BNIP2: variants seen among roughly 807,000 people sequenced by gnomAD.
BNIP2 encodes the protein BCL2/adenovirus E1B 19 kDa protein-interacting protein 2.
In BNIP2, 36 loss-of-function variants were observed where a neutral mutation model predicts 43.4. The ratio of observed to expected loss-of-function variants is 0.83; its 90% CI spans 0.64 to 1.10. BNIP2 has a LOEUF of 1.10. Ranked by LOEUF, BNIP2 falls within the 50% of genes least tolerant of loss-of-function variation. The pLI, the probability that BNIP2 is intolerant of heterozygous loss-of-function variation, is 0.00. For synonymous variants in BNIP2, 146 were observed against 121.0 expected (o/e 1.21, Z -1.35); for missense variants, 417 against 374.1 (o/e 1.11, Z -0.95).
At chr15:59,678,354 AATATAATT>A (rs1452628873) in intron 4 of BNIP2, 7 of 1,167,820 alleles carry the variant, frequency 6.0e-6, no homozygotes, top group African/African-American at 1.6e-5. Flanking sequence ...AAGTTCAGAA[AATATAATT>A]TGTAGAGTCA....
chr15:59,666,278 T>C (rs546766193), intron 9 of BNIP2, among the ~76,000 whole-genome samples: 3 of 152,228 alleles, frequency 2.0e-5, no homozygotes, highest in African/African-American at 7.2e-5. Flanking sequence ...AAACCTGCCA[T>C]AGGGACTCAT....
intron 1 of BNIP2, among the ~76,000 whole-genome samples, chr15:59,684,542 A>G (rs1893894733): frequency 6.6e-6 from 1 of 152,206 alleles, no homozygotes. Flanking sequence ...GAAAATACTT[A>G]CTACTCTAGA....
At chr15:59,672,499 T>C in intron 6 of BNIP2, 138 bp downstream of exon 6, 1 of 593,776 alleles carries the variant, frequency 1.7e-6, no homozygotes, top group Non-Finnish European at 2.9e-6. Flanking sequence ...CTCCAACTCC[T>C]GGACTCAAGT....
intron 5 of BNIP2, among the ~76,000 whole-genome samples, chr15:59,676,566 A>C (rs2142005387): frequency 6.6e-6 from 1 of 152,296 alleles, no homozygotes; most frequent in African/African-American, 2.4e-5. Context: ...TGGTACTTTT[A>C]TTCTTTTACT....
intron 7 of BNIP2, among the ~76,000 whole-genome samples, chr15:59,670,774 T>C (rs1892849446): frequency 6.6e-6 from 1 of 152,022 alleles, no homozygotes. Context: ...TAAATGGTGT[T>C]TTAAAATAGC....
intron 9 of BNIP2, chr15:59,668,144 T>C (rs1482340988): frequency 2.4e-6 from 3 of 1,266,956 alleles, no homozygotes; most frequent in Non-Finnish European, 3.1e-6. Context: ...CATACCTTTG[T>C]AGGGAAGAGT....
rs569072181 is a variant in BNIP2, at chr15:59,665,843, CAT to C, written c.894-1725_894-1724del. Reference sequence around the variant, plus strand: ...GTATTAGATAAAGAAAAATATTTTTCATATGTTTTTATTCTCATCACCCATTA... The same window carrying C: ...GTATTAGATAAAGAAAAATATTTTTCATGTTTTTATTCTCATCACCCATTA... On this transcript the variant is annotated intron_variant, in intron 9 of 9. Transcript: ENST00000607373. Among the ~76,000 whole-genome samples the C allele has an allele frequency of 2.2e-4, 33 of 152,176 alleles. 1 individual carries two copies. In the South Asian group the frequency reaches 6.4e-3, roughly 30 times the overall value.
chr15:59,686,355 G>C (rs1329139286), intron 1 of BNIP2, among the ~76,000 whole-genome samples: 2 of 152,258 alleles, frequency 1.3e-5, no homozygotes, highest in African/African-American at 2.4e-5. Flanking sequence ...TTCAAGCCTA[G>C]CTTGGGCAAC....
chr15:59,678,953 A>G, intron 4 of BNIP2: 8 of 932,866 alleles, frequency 8.6e-6, no homozygotes, highest in Non-Finnish European at 1.1e-5. Context: ...AGGGAAGAAA[A>G]AAGAAACCAA....
chr15:59,675,502 C>T (rs1432353050), intron 5 of BNIP2, among the ~76,000 whole-genome samples: 4 of 151,048 alleles, frequency 2.6e-5, no homozygotes, highest in Non-Finnish European at 4.4e-5. Flanking sequence ...CCCAGCTACT[C>T]GGGAGACTGA....
chr15:59,668,039 G>A, intron 9 of BNIP2: 1 of 1,087,006 alleles, frequency 9.2e-7, no homozygotes, highest in Non-Finnish European at 1.2e-6. Flanking sequence ...AACCAATAAG[G>A]AAGAGTTAGT....
chr15:59,676,229 G>C (rs1244578518), intron 5 of BNIP2, among the ~76,000 whole-genome samples: 1 of 152,178 alleles, frequency 6.6e-6, no homozygotes, highest in Admixed American at 6.5e-5. Flanking sequence ...AGAGTGCAGT[G>C]GGATGATCAC....
intron 1 of BNIP2, chr15:59,688,660 T>C: frequency 2.0e-6 from 3 of 1,503,982 alleles, no homozygotes; most frequent in Non-Finnish European, 2.7e-6. Flanking sequence ...TTTAGCGTAC[T>C]AGGGAAGATC....
At position 59,682,392 on chromosome 15, in the gene BNIP2, T is replaced by C; in HGVS notation, c.50+16A>G. On this transcript the variant is annotated intron_variant, in intron 2 of 9. Coordinates refer to ENST00000607373, the MANE Select transcript of BNIP2 (RefSeq NM_004330.4). ...CTTTTGCTCTAAAATTGTTTTCTTT[T>C]AAAAGCATTGCTCACATCGGAAAAT... 3.8e-6 allele frequency: 6 copies of C among 1,585,772 alleles called. No individual in the cohort carries two copies. Among genetic ancestry groups the C allele is most frequent in the Non-Finnish European group, 5.1e-6 (6 of 1,170,636 alleles).
At chr15:59,677,843 A>AT in intron 5 of BNIP2, 68 bp downstream of exon 5, 27 of 1,516,460 alleles carry the variant, frequency 1.8e-5, no homozygotes, top group Non-Finnish European at 2.3e-5. Context: ...ATAAACAGAT[A>AT]TCCTTCCAAA....
chr15:59,683,021 G>A (rs1893790300), intron 1 of BNIP2, among the ~76,000 whole-genome samples: 1 of 152,128 alleles, frequency 6.6e-6, no homozygotes, highest in African/African-American at 2.4e-5. Context: ...CAATTCCTGA[G>A]CCACTTAAAG....
Position 59,668,844 on chromosome 15 carries a change from T to A in BNIP2, c.893+48A>T, listed in dbSNP as rs537378037. On this transcript the variant is annotated intron_variant, in intron 9 of 9. Coordinates refer to ENST00000607373, the MANE Select transcript of BNIP2 (RefSeq NM_004330.4). ...ATTGAAAAGTATTATCCATTGCACA[T>A]CAAAATGTTAAGATCCAATACAATT... 1.6e-5 allele frequency: 24 copies of A among 1,496,376 alleles called. No homozygotes were observed. The African/African-American group carries it at 2.9e-4, about 18-fold the overall frequency. 92.7% of individuals were successfully genotyped at this position (1,496,376 alleles called of 1,614,324 possible).
At chr15:59,668,032 C>G (rs1338022682) in intron 9 of BNIP2, 2 of 1,051,502 alleles carry the variant, frequency 1.9e-6, no homozygotes, top group African/African-American at 3.4e-5. Flanking sequence ...GCTAACCAAC[C>G]AATAAGGAAG....
intron 6 of BNIP2, among the ~76,000 whole-genome samples, chr15:59,671,578 G>C (rs1213285415): frequency 6.6e-6 from 1 of 152,124 alleles, no homozygotes; most frequent in East Asian, 1.9e-4. Context: ...AGTATAAATT[G>C]GTAATTGTTG....
Sources: gnomAD v4.1 joint callset for allele counts (sites outside exome capture counted in the v4.1 genomes callset) on GRCh38, gnomAD v4.1.1 for gene constraint, MANE v1.5 for transcripts, NCBI Gene and HGNC (gene_info 2026-07-23, HGNC 2026-07-21) for gene names.